The following PRDM16 variants were observed in gnomAD, a reference collection of about 807,000 sequenced individuals.
PRDM16 encodes PR/SET domain 16.
A neutral mutation model predicts 110.6 loss-of-function variants in PRDM16; 23 were observed. The observed-to-expected ratio is 0.21, with a 90% CI of 0.15 to 0.29. The LOEUF (loss-of-function observed/expected upper bound fraction) is 0.29, where lower values mean the gene tolerates loss of function less well. Ranked by LOEUF, PRDM16 falls within the 10% of genes least tolerant of loss-of-function variation. The pLI is 1.00. For synonymous variants in PRDM16, 799 were observed against 781.8 expected (o/e 1.02, Z -0.37); for missense variants, 1,615 against 1,794.3 (o/e 0.90, Z 1.81).
chr1:3,378,645 T>A (rs1643038857), intron 3 of PRDM16, among the ~76,000 whole-genome samples: 1 of 152,070 alleles, frequency 6.6e-6, no homozygotes. Flanking sequence ...GACAGCACCC[T>A]GCATGGCCCT....
intron 2 of PRDM16, among the ~76,000 whole-genome samples, chr1:3,238,617 C>T (rs974026596): frequency 1.3e-5 from 2 of 152,228 alleles, no homozygotes; most frequent in African/African-American, 4.8e-5. Context: ...GCGGGGCGGC[C>T]GGCGACTAAC....
chr1:3,289,886 C>T (rs889575567), intron 3 of PRDM16, among the ~76,000 whole-genome samples: 3 of 151,414 alleles, frequency 2.0e-5, no homozygotes, highest in Non-Finnish European at 3.0e-5. Flanking sequence ...CACTCCTGCC[C>T]GGTCACCAGA....
intron 3 of PRDM16, among the ~76,000 whole-genome samples, chr1:3,310,444 C>T (rs570808137): frequency 2.0e-5 from 3 of 152,332 alleles, no homozygotes; most frequent in South Asian, 2.1e-4. Flanking sequence ...CCTGTGCCTC[C>T]TCTGAGCTCT....
rs1399328742 is a variant in PRDM16, at chr1:3,370,487, T to C, written c.439-14665T>C. Among the ~76,000 whole-genome samples, 1 of 152,142 alleles carries C rather than the reference T, an allele frequency of 6.6e-6. No individual in the cohort carries two copies. Among genetic ancestry groups the C allele is most frequent in the Non-Finnish European group, 1.5e-5 (1 of 68,026 alleles). ...AAGCATGCATTGAGCACTCATGGTT[T>C]GCCTGGCTCTGGGAATCAGCCAGAT... On this transcript the variant is annotated intron_variant, in intron 3 of 16. Coordinates refer to ENST00000270722, the MANE Select transcript of PRDM16 (RefSeq NM_022114.4). The surrounding 1 kb of genome is among the most constrained non-coding windows in gnomAD (Gnocchi z 4.8).
chr1:3,263,415 C>A (rs1342495966), intron 3 of PRDM16, among the ~76,000 whole-genome samples: 1 of 152,244 alleles, frequency 6.6e-6, no homozygotes, highest in Non-Finnish European at 1.5e-5. Context: ...GATGAGACCA[C>A]CTGTTGGTGG....
chr1:3,365,422 A>T (rs190538707), intron 3 of PRDM16, among the ~76,000 whole-genome samples: 251 of 152,242 alleles, frequency 1.6e-3, no homozygotes, highest in African/African-American at 5.8e-3. Context: ...GGCAGTGAGG[A>T]GGGGACCTCC....
rs562957102 is a variant in PRDM16, at chr1:3,255,821, C to T, written c.438+11684C>T. On this transcript the variant is annotated intron_variant, in intron 3 of 16. Coordinates refer to ENST00000270722, the MANE Select transcript of PRDM16 (RefSeq NM_022114.4). This position sits in a 1 kb window ranked among gnomAD's most constrained non-coding sequence, Gnocchi z 4.7. ...TTGGCTCAGAATGAACCCATTGTCA[C>T]TTGTGCCCAAAGCCAATCCCGTGGC... is the stretch of plus-strand genomic sequence containing the variant. 6.6e-6 allele frequency among the ~76,000 whole-genome samples: 1 copy of T among 152,332 alleles called. No homozygotes were observed. Among genetic ancestry groups the T allele is most frequent in the African/African-American group, 2.4e-5 (1 of 41,574 alleles).
At chr1:3,336,694 A>C (rs1250869218) in intron 3 of PRDM16, among the ~76,000 whole-genome samples, 2 of 127,428 alleles carry the variant, frequency 1.6e-5, no homozygotes, top group East Asian at 2.5e-4. Flanking sequence ...GTTTTTGTGA[A>C]TCTGTGAGCA....
chr1:3,423,886 T>C (rs993350062), intron 12 of PRDM16, among the ~76,000 whole-genome samples: 6 of 152,372 alleles, frequency 3.9e-5, no homozygotes, highest in South Asian at 2.1e-4. Flanking sequence ...TGAAAACGCA[T>C]GATCATATAA....
intron 3 of PRDM16, among the ~76,000 whole-genome samples, chr1:3,348,989 C>T (rs2100530148): frequency 6.6e-6 from 1 of 152,324 alleles, no homozygotes; most frequent in Non-Finnish European, 1.5e-5. Context: ...CTGGGAACAG[C>T]CCACTGGCAT....
chr1:3,338,066 C>T (rs72849603), intron 3 of PRDM16, among the ~76,000 whole-genome samples: 1,746 of 152,114 alleles, frequency 0.011, 40 homozygotes, highest in African/African-American at 0.039. Flanking sequence ...CACACAGACA[C>T]GTGTGCATGC....
At chr1:3,130,709 A>G (rs144735910) in intron 1 of PRDM16, among the ~76,000 whole-genome samples, 49 of 146,160 alleles carry the variant, frequency 3.4e-4, no homozygotes, top group Middle Eastern at 3.5e-3. Flanking sequence ...TTACAGACGG[A>G]TGTCACCTCC....
At chr1:3,112,098 G>A (rs1385833731) in intron 1 of PRDM16, among the ~76,000 whole-genome samples, 2 of 152,270 alleles carry the variant, frequency 1.3e-5, no homozygotes, top group Admixed American at 6.5e-5. Context: ...CCCCATCCAC[G>A]CTCACTAACT....
chr1:3,231,463 C>A (rs1639413689), intron 2 of PRDM16, among the ~76,000 whole-genome samples: 2 of 92,824 alleles, frequency 2.2e-5, no homozygotes, highest in Non-Finnish European at 3.7e-5. Flanking sequence ...GCATCTGCCT[C>A]CCGCTTCACA....
At chr1:3,338,547 G>A (rs143546390) in intron 3 of PRDM16, among the ~76,000 whole-genome samples, 1,856 of 152,354 alleles carry the variant, frequency 0.012, 41 homozygotes, top group African/African-American at 0.042. Context: ...CGCCTCTTCT[G>A]TCTGACTGCC....
intron 2 of PRDM16, among the ~76,000 whole-genome samples, chr1:3,227,098 G>C (rs868731499): frequency 2.0e-5 from 3 of 152,218 alleles, no homozygotes; most frequent in Admixed American, 6.5e-5. Flanking sequence ...GAACATCCAC[G>C]CTCTTTCCAG....
chr1:3,355,901 C>T (rs1364020369), intron 3 of PRDM16, among the ~76,000 whole-genome samples: 2 of 152,056 alleles, frequency 1.3e-5, no homozygotes, highest in Non-Finnish European at 2.9e-5. Context: ...CCTTCCTCCC[C>T]CAAACACCCC....
chr1:3,417,629 G>C (rs920162394), intron 10 of PRDM16, among the ~76,000 whole-genome samples, 199 bp from the exon 11 acceptor site: 4 of 152,208 alleles, frequency 2.6e-5, no homozygotes, highest in Non-Finnish European at 4.4e-5. Context: ...TGGGACTCAG[G>C]GAAGGACAAG....
chr1:3,368,356 A>G (rs765553186), intron 3 of PRDM16, among the ~76,000 whole-genome samples: 86 of 152,292 alleles, frequency 5.6e-4, no homozygotes, highest in Middle Eastern at 3.4e-3. Flanking sequence ...GCTATGATTG[A>G]GCCCTGGGTG....
Sources: allele counts gnomAD v4.1 joint callset (sites outside exome capture counted in the v4.1 genomes callset), GRCh38; gene constraint gnomAD v4.1.1; non-coding constraint Gnocchi (gnomAD v3.1); transcripts MANE v1.5; gene names NCBI Gene and HGNC (gene_info 2026-07-23, HGNC 2026-07-21).